CSMD1: variants seen among roughly 807,000 people sequenced by gnomAD.
The protein encoded by CSMD1 is CUB and sushi domain-containing protein 1.
CSMD1 carries 213 observed loss-of-function variants against 417.5 expected under a neutral mutation model. The ratio of observed to expected loss-of-function variants is 0.51; its 90% CI spans 0.46 to 0.57. The LOEUF is 0.57. CSMD1 is among the 20% of genes least tolerant of loss of function. The probability of loss-of-function intolerance (pLI) is 0.00; values close to 1 mark genes in which losing one functional copy is unlikely to be tolerated. For synonymous variants in CSMD1, 2,862 were observed against 1,736.8 expected (o/e 1.65, Z -16.11); for missense variants, 6,923 against 4,529.7 (o/e 1.53, Z -15.17).
At chr8:4,457,914 C>A (rs1357927090) in intron 2 of CSMD1, among the ~76,000 whole-genome samples, 2 of 152,162 alleles carry the variant, frequency 1.3e-5, no homozygotes, top group Non-Finnish European at 2.9e-5. Context: ...TTTTCCCATA[C>A]ACCATGGGGC....
chr8:3,766,955 C>T (rs554517414), intron 5 of CSMD1, among the ~76,000 whole-genome samples: 3 of 152,268 alleles, frequency 2.0e-5, no homozygotes, highest in East Asian at 1.9e-4. Flanking sequence ...AGATGCAGCA[C>T]GGCTAATGCA....
At chr8:4,247,782 G>GA (rs1802803050) in intron 3 of CSMD1, among the ~76,000 whole-genome samples, 1 of 152,040 alleles carries the variant, frequency 6.6e-6, no homozygotes, top group Admixed American at 6.6e-5. Flanking sequence ...AATAGAATCT[G>GA]AAAAAAGTAC....
chr8:4,763,859 G>T (rs1389884830), intron 1 of CSMD1, among the ~76,000 whole-genome samples: 1 of 152,132 alleles, frequency 6.6e-6, no homozygotes, highest in Non-Finnish European at 1.5e-5. Flanking sequence ...TTCCTGAACG[G>T]AAAGAAAACT....
At chr8:3,481,344 C>G (rs1158695567) in intron 11 of CSMD1, among the ~76,000 whole-genome samples, 1 of 152,002 alleles carries the variant, frequency 6.6e-6, no homozygotes, top group Admixed American at 6.6e-5. Context: ...CCATGAGTTC[C>G]ATAAATCTTA....
At chr8:3,233,092 T>A (rs1189741135) in intron 26 of CSMD1, among the ~76,000 whole-genome samples, 1 of 39,208 alleles carries the variant, frequency 2.6e-5, no homozygotes, top group South Asian at 1.1e-3. Flanking sequence ...TTTCTTTTCA[T>A]TTTTTTTTTC....
At chr8:4,057,033 T>C (rs972252663) in intron 3 of CSMD1, among the ~76,000 whole-genome samples, 5 of 152,200 alleles carry the variant, frequency 3.3e-5, no homozygotes, top group African/African-American at 7.2e-5. Flanking sequence ...TGATTTATAG[T>C]CCTTTGGGTA....
chr8:3,294,741 G>A (rs181567888), intron 25 of CSMD1, among the ~76,000 whole-genome samples: 1 of 152,142 alleles, frequency 6.6e-6, no homozygotes, highest in Non-Finnish European at 1.5e-5. Context: ...CTTTGACTAG[G>A]ATAGGGAATT....
At chr8:3,219,465 T>A (rs146794109) in intron 28 of CSMD1, 23 bp from the exon 29 acceptor site, 1 of 1,406,748 alleles carries the variant, frequency 7.1e-7, no homozygotes, top group Admixed American at 3.1e-5. Context: ...ATAGTAATTA[T>A]GTCATACGGC....
intron 49 of CSMD1, among the ~76,000 whole-genome samples, chr8:3,074,744 A>G (rs1452940045): frequency 1.3e-5 from 2 of 152,274 alleles, no homozygotes. Context: ...ATTTTAGAAT[A>G]GAATTTTTGG....
intron 3 of CSMD1, among the ~76,000 whole-genome samples, chr8:4,393,319 A>G (rs1433624043): frequency 6.6e-6 from 1 of 152,174 alleles, no homozygotes; most frequent in Non-Finnish European, 1.5e-5. Flanking sequence ...TAAAAGGAAT[A>G]TCACAAAGTT....
chr8:4,472,629 A>G (rs985123838), intron 2 of CSMD1, among the ~76,000 whole-genome samples: 4 of 152,122 alleles, frequency 2.6e-5, no homozygotes, highest in African/African-American at 9.6e-5. Flanking sequence ...GCAAACAATA[A>G]GAAAAATAAT....
chr8:3,539,916 T>A (rs2117558663), intron 10 of CSMD1, among the ~76,000 whole-genome samples: 1 of 152,316 alleles, frequency 6.6e-6, no homozygotes, highest in Admixed American at 6.5e-5. Context: ...CACAATTGCT[T>A]CATGGATAGA....
intron 10 of CSMD1, among the ~76,000 whole-genome samples, chr8:3,535,827 C>G (rs997663092): frequency 6.6e-6 from 1 of 152,162 alleles, no homozygotes; most frequent in Non-Finnish European, 1.5e-5. Context: ...TCCTCTCCCA[C>G]CAGTTTTTGT....
chr8:4,840,756 T>C (rs910410933), intron 1 of CSMD1, among the ~76,000 whole-genome samples: 10 of 152,204 alleles, frequency 6.6e-5, no homozygotes, highest in Non-Finnish European at 1.3e-4. Flanking sequence ...TGCCCACTAA[T>C]AGACAAAACT....
chr8:4,013,094 G>A (rs2740943), intron 4 of CSMD1, among the ~76,000 whole-genome samples: 87,197 of 151,816 alleles, frequency 0.57, 25,311 homozygotes, highest in East Asian at 0.68. Flanking sequence ...CCTCTCAAAT[G>A]CTGTGTCACA....
rs949675507 is a variant in CSMD1, at chr8:3,311,863, G to C, written c.3632-3360C>G. ...GTGGGACTTACAAATTGTTTCAGTA[G>C]TTTATAGCCATAAGCTCTACAAGTA... On this transcript the variant is annotated intron_variant, in intron 23 of 69. Transcript: ENST00000635120. 3.3e-5 allele frequency among the ~76,000 whole-genome samples: 5 copies of C among 152,120 alleles called. No homozygotes were observed. The Middle Eastern group carries it at 9.5e-3, about 289-fold the overall frequency.
intron 1 of CSMD1, among the ~76,000 whole-genome samples, chr8:4,719,612 A>G (rs1808920725): frequency 6.6e-6 from 1 of 152,094 alleles, no homozygotes; most frequent in Admixed American, 6.6e-5. Context: ...GGTAAGGTCA[A>G]TAAAAACTTG....
intron 5 of CSMD1, among the ~76,000 whole-genome samples, chr8:3,776,129 T>C (rs984045740): frequency 2.0e-5 from 3 of 152,156 alleles, no homozygotes; most frequent in African/African-American, 7.2e-5. Flanking sequence ...TCTTCTTACC[T>C]GCACACACTC....
intron 4 of CSMD1, among the ~76,000 whole-genome samples, chr8:4,030,220 G>C (rs1436269361): frequency 1.3e-5 from 2 of 152,172 alleles, no homozygotes; most frequent in African/African-American, 2.4e-5. Flanking sequence ...TGCCCCAGTA[G>C]GGACTCTGTG....
Sources: allele counts gnomAD v4.1 joint callset (sites outside exome capture counted in the v4.1 genomes callset), GRCh38; gene constraint gnomAD v4.1.1; transcripts MANE v1.5; gene names NCBI Gene and HGNC (gene_info 2026-07-23, HGNC 2026-07-21).